The following TOR1AIP2 variants were observed in gnomAD, a reference collection of about 807,000 sequenced individuals.
TOR1AIP2 encodes the protein torsin-1A-interacting protein 2.
TOR1AIP2 carries 20 observed loss-of-function variants against 32.6 expected under a neutral mutation model. The ratio of observed to expected loss-of-function variants is 0.61; its 90% confidence interval spans 0.43 to 0.89. TOR1AIP2 has a LOEUF of 0.89. TOR1AIP2 is among the 40% of genes least tolerant of loss of function. The pLI is 0.00. For missense variants in TOR1AIP2, 456 were observed against 553.8 expected (o/e 0.82, Z 1.77); for synonymous variants, 214 against 210.8 (o/e 1.02, Z -0.13).
At position 179,852,806 on chromosome 1, in the gene TOR1AIP2, CA is replaced by C; in HGVS notation, c.-142del. ...GGACCCAGGAAATAAGGCATATATACAGTGACTAAAACAAAATGAAAAAAAA... is the reference window on the plus strand; with the variant it reads ...GGACCCAGGAAATAAGGCATATATACGTGACTAAAACAAAATGAAAAAAAA... On this transcript the variant is annotated 5_prime_UTR_variant, in exon 4 of 7. Coordinates refer to ENST00000609928, the MANE Select transcript of TOR1AIP2 (RefSeq NM_001199260.2). The C allele has an allele frequency of 6.8e-7, 1 of 1,461,952 alleles. No individual in the cohort carries two copies. The highest frequency in any genetic ancestry group is 9.1e-7 in the Non-Finnish European group (1 of 1,103,622). The allele number at this position is 1,461,952 out of a possible 1,614,324, so 90.6% of individuals were successfully genotyped here.
Position 179,859,394 on chromosome 1 carries a change from C to T in TOR1AIP2, c.-147+6042G>A, listed in dbSNP as rs575227116. The T allele has an allele frequency of 7.9e-5, 78 of 985,086 alleles. 1 individual carries two copies. The South Asian group carries it at 2.1e-3, about 26-fold the overall frequency. 61.0% of individuals were successfully genotyped at this position (985,086 alleles called of 1,614,324 possible). A position where few individuals can be genotyped will look rare whatever the true frequency, so the allele number is the denominator to read the frequency against. ...CTACTGAGGGCAGTTAGGATTTGAACTCAGGTAGTCTAGCTGTGGGACCTA... is the reference window on the plus strand; with the variant it reads ...CTACTGAGGGCAGTTAGGATTTGAATTCAGGTAGTCTAGCTGTGGGACCTA... On this transcript the variant is annotated intron_variant, in intron 3 of 6. Coordinates refer to ENST00000609928, the MANE Select transcript of TOR1AIP2 (RefSeq NM_001199260.2).
intron 3 of TOR1AIP2, among the ~76,000 whole-genome samples, chr1:179,855,691 A>G (rs2148434617): frequency 6.6e-6 from 1 of 152,356 alleles, no homozygotes; most frequent in East Asian, 1.9e-4. Flanking sequence ...TTTTAGACGT[A>G]TAATAGAGAA....
At chr1:179,855,123 A>C (rs1696251360) in intron 3 of TOR1AIP2, among the ~76,000 whole-genome samples, 1 of 152,182 alleles carries the variant, frequency 6.6e-6, no homozygotes, top group African/African-American at 2.4e-5. Flanking sequence ...TAAAGACCTA[A>C]ATGTAAACAG....
intron 2 of TOR1AIP2, among the ~76,000 whole-genome samples, chr1:179,870,456 A>G (rs1361936048): frequency 6.6e-6 from 1 of 152,156 alleles, no homozygotes; most frequent in Non-Finnish European, 1.5e-5. Context: ...AAAAGATGGT[A>G]CATCCTTTTA....
intron 3 of TOR1AIP2, chr1:179,862,145 A>G (rs1025902186): frequency 1.0e-5 from 10 of 984,898 alleles, no homozygotes; most frequent in African/African-American, 1.7e-5. Flanking sequence ...TCAATGATAT[A>G]AATCCTTTTA....
In TOR1AIP2 at chr1:179,860,362, G is replaced by T. The variant is rs370463875; in HGVS notation, c.-147+5074C>A. The stretch of plus-strand genomic sequence containing the variant: ...CTGGGCATGGTGGTGCAAGCCTGTA[G>T]TCACAGCTACTTAGGGGGCTGAAGT... On this transcript the variant is annotated intron_variant, in intron 3 of 6. Transcript: ENST00000609928. 374 of 740,454 alleles carry T rather than the reference G, an allele frequency of 5.1e-4. 2 individuals are homozygous for T. The African/African-American group carries it at 8.7e-3, about 17-fold the overall frequency. 45.9% of individuals were successfully genotyped at this position (740,454 alleles called of 1,614,324 possible).
chr1:179,852,934 TGAA>T (rs1418461689), intron 3 of TOR1AIP2, 123 bp from the exon 4 acceptor site: 1 of 611,944 alleles, frequency 1.6e-6, no homozygotes, highest in African/African-American at 1.9e-5. Flanking sequence ...ACTTTTTTCG[TGAA>T]GAAAATTTCC....
intron 3 of TOR1AIP2, chr1:179,860,590 CAT>C (rs1452700604): frequency 4.1e-6 from 4 of 985,360 alleles, no homozygotes; most frequent in African/African-American, 1.7e-5. Context: ...TAGTATGTGC[CAT>C]ATGTTTGGTA....
At chr1:179,868,961 ACCT>A (rs1003687961) in intron 2 of TOR1AIP2, 8 of 152,014 alleles carry the variant, frequency 5.3e-5, no homozygotes, top group Non-Finnish European at 7.3e-5. Flanking sequence ...TCTTGCTTCA[ACCT>A]CCCGAGTAGC....
chr1:179,873,011 T>C (rs572803868), intron 2 of TOR1AIP2, among the ~76,000 whole-genome samples: 31 of 152,356 alleles, frequency 2.0e-4, no homozygotes, highest in African/African-American at 7.5e-4. Context: ...GAAATCAACA[T>C]TGGCACAATT....
At chr1:179,856,884 G>C (rs1369364351) in intron 3 of TOR1AIP2, among the ~76,000 whole-genome samples, 1 of 152,164 alleles carries the variant, frequency 6.6e-6, no homozygotes, top group Non-Finnish European at 1.5e-5. Context: ...AAAGTGGTGG[G>C]GATTACAGGC....
rs749853642 is a variant in TOR1AIP2, at chr1:179,846,315, T to C, written c.1169A>G (p.Lys390Arg). The change falls in exon 7 of 7, where the codon AAA (lysine) becomes AGA (arginine). Residue 390 changes from lysine to arginine, a missense_variant. Lys to Arg is a conservative substitution (Grantham distance 26, BLOSUM62 2). Transcript: ENST00000609928. ...KYCDHENAAF[K>R]DVALVLTVLL... ...AACAGTCAGGACCAGGGCCACATCTTTAAAGGCAGCATTCTCATGATCACA... is the reference window on the plus strand; with the variant it reads ...AACAGTCAGGACCAGGGCCACATCTCTAAAGGCAGCATTCTCATGATCACA... The C allele has an allele frequency of 1.2e-6, 2 of 1,614,196 alleles. No individual in the cohort carries two copies. The highest frequency in any genetic ancestry group is 3.3e-5 in the Admixed American group (2 of 60,030).
In TOR1AIP2 at chr1:179,840,860, G is replaced by A. The variant is rs1211589113; in HGVS notation, c.*5211C>T. On this transcript the variant is annotated 3_prime_UTR_variant, in exon 7 of 7. Coordinates refer to ENST00000609928, the MANE Select transcript of TOR1AIP2 (RefSeq NM_001199260.2). Reference sequence around the variant, plus strand: ...TATACCTATGTTAACAAACCTGCATGTTCTCCACATGTATCCCAGAACTTA... The same window carrying A: ...TATACCTATGTTAACAAACCTGCATATTCTCCACATGTATCCCAGAACTTA... 7.0e-6 allele frequency: 1 copy of A among 142,774 alleles called. No homozygotes were observed. Among genetic ancestry groups the A allele is most frequent in the African/African-American group, 2.9e-5 (1 of 34,738 alleles). 8.8% of individuals were successfully genotyped at this position (142,774 alleles called of 1,614,324 possible).
At chr1:179,852,839 G>GAC (rs1696167783) in intron 3 of TOR1AIP2, 28 bp from the exon 4 acceptor site, 2 of 1,368,250 alleles carry the variant, frequency 1.5e-6, no homozygotes, top group East Asian at 5.5e-5. Context: ...AAAATTAAAT[G>GAC]ACTTTTTATC....
intron 3 of TOR1AIP2, chr1:179,861,758 G>C (rs1237309980): frequency 2.0e-6 from 2 of 985,286 alleles, no homozygotes; most frequent in Non-Finnish European, 2.4e-6. Context: ...ATCCTTTTAA[G>C]CCAGATAAGT....
chr1:179,861,474 T>C (rs1558019681), intron 3 of TOR1AIP2: 2 of 972,176 alleles, frequency 2.1e-6, no homozygotes, highest in Non-Finnish European at 2.4e-6. Flanking sequence ...TATGTGATGT[T>C]TGAAGGCAAA....
In TOR1AIP2 at chr1:179,846,783, G is replaced by C. The variant is rs752023380; in HGVS notation, c.701C>G (p.Ser234Cys). 2 of 1,611,382 alleles carry C rather than the reference G, an allele frequency of 1.2e-6. No homozygotes were observed. Among genetic ancestry groups the C allele is most frequent in the Non-Finnish European group, 1.7e-6 (2 of 1,178,294 alleles). The part of the protein sequence containing the change: ...VVLVVAVVAS[S>C]VNSYYSSPAQ... Reference sequence around the variant, plus strand: ...TGGAGAGGAATAGTAGCTATTCACAGAACTTGCCACAACAGCCACAACCAG... The same window carrying C: ...TGGAGAGGAATAGTAGCTATTCACACAACTTGCCACAACAGCCACAACCAG... The change falls in exon 7 of 7, where the codon TCT becomes TGT. Residue 234 changes from serine to cysteine, a missense_variant. Coordinates refer to ENST00000609928, the MANE Select transcript of TOR1AIP2 (RefSeq NM_001199260.2).
chr1:179,856,579 A>G (rs911529651), intron 3 of TOR1AIP2, among the ~76,000 whole-genome samples: 2 of 152,186 alleles, frequency 1.3e-5, no homozygotes, highest in Non-Finnish European at 2.9e-5. Context: ...ATGGCAGGGT[A>G]TCTGAGAGAT....
rs1203811626 is a variant in TOR1AIP2, at chr1:179,872,751, G to A, written c.-566+4488C>T. The stretch of plus-strand genomic sequence containing the variant: ...CTCTAGTTTCGGTTGACCACGTAGA[G>A]GTATTAAGCTATGCACGAAGGATCT... On this transcript the variant is annotated intron_variant, in intron 2 of 6. Coordinates refer to ENST00000609928, the MANE Select transcript of TOR1AIP2 (RefSeq NM_001199260.2). Among the ~76,000 whole-genome samples, 4 of 152,160 alleles carry A rather than the reference G, an allele frequency of 2.6e-5. No individual in the cohort carries two copies. The East Asian group carries it at 7.7e-4, about 29-fold the overall frequency.
Sources: allele counts gnomAD v4.1 joint callset (sites outside exome capture counted in the v4.1 genomes callset), GRCh38; gene constraint gnomAD v4.1.1; transcripts MANE v1.5; gene names NCBI Gene and HGNC (gene_info 2026-07-23, HGNC 2026-07-21).